Variants in SNX29 observed in about 807,000 individuals in gnomAD.
The protein encoded by SNX29 is sorting nexin 29.
Under a neutral mutation model 102.1 loss-of-function variants are expected in SNX29, and 78 were observed. The ratio of observed to expected loss-of-function variants is 0.76; its 90% CI spans 0.64 to 0.92. The LOEUF (loss-of-function observed/expected upper bound fraction) is 0.92. Among genes scored for constraint, SNX29 ranks in the 40% least tolerant of loss-of-function variants. The pLI, the probability that SNX29 is intolerant of heterozygous loss-of-function variation, is 0.00. For missense variants in SNX29, 1,280 were observed against 1,061.7 expected (o/e 1.21, Z -2.86); for synonymous variants, 580 against 414.5 (o/e 1.40, Z -4.85).
chr16:12,392,394 G>A (rs2151473099), intron 16 of SNX29, among the ~76,000 whole-genome samples: 1 of 152,152 alleles, frequency 6.6e-6, no homozygotes, highest in East Asian at 1.9e-4. Context: ...TAGTGAAGTA[G>A]TAAGTTCGAT....
At chr16:12,311,439 C>A (rs1198612590) in intron 15 of SNX29, among the ~76,000 whole-genome samples, 1 of 152,258 alleles carries the variant, frequency 6.6e-6, no homozygotes, top group African/African-American at 2.4e-5. Flanking sequence ...CCTCCTCCGT[C>A]CTCCTTTCCT....
intron 16 of SNX29, among the ~76,000 whole-genome samples, chr16:12,380,790 C>CATCT: frequency 1.4e-5 from 1 of 69,986 alleles, no homozygotes; most frequent in Non-Finnish European, 3.6e-5. Context: ...TCCACCCATC[C>CATCT]ACCCACACAC....
At chr16:12,275,139 T>G (rs111470143) in intron 14 of SNX29, among the ~76,000 whole-genome samples, 4,663 of 152,298 alleles carry the variant, frequency 0.031, 104 homozygotes, top group Admixed American at 0.062. Flanking sequence ...TCCGTGAACT[T>G]TGACTTTGGG....
Position 12,471,735 on chromosome 16 carries a change from C to A in SNX29, c.2038-5984C>A, listed in dbSNP as rs2087350506. On this transcript the variant is annotated intron_variant, in intron 18 of 20. Transcript: ENST00000566228. ...TTAAATTCAGGATTAACATAAAATA[C>A]AATCAGGTGTATCAATCTTAAGTTT... is the stretch of plus-strand genomic sequence containing the variant. Among the ~76,000 whole-genome samples, 5 of 152,336 alleles carry A rather than the reference C, an allele frequency of 3.3e-5. No homozygotes were observed. The South Asian group carries it at 1.0e-3, about 32-fold the overall frequency.
chr16:12,139,014 C>A (rs1334376954), intron 13 of SNX29, among the ~76,000 whole-genome samples: 1 of 151,866 alleles, frequency 6.6e-6, no homozygotes, highest in African/African-American at 2.4e-5. Flanking sequence ...CCAGCCTGGA[C>A]AACCTGGTGA....
At chr16:12,291,793 T>G (rs2079805207) in intron 15 of SNX29, among the ~76,000 whole-genome samples, 1 of 152,124 alleles carries the variant, frequency 6.6e-6, no homozygotes, top group Non-Finnish European at 1.5e-5. Context: ...AGATGAAAAC[T>G]GGGACTGTTG....
intron 17 of SNX29, among the ~76,000 whole-genome samples, chr16:12,399,663 G>A (rs1040755288): frequency 3.9e-5 from 6 of 152,146 alleles, no homozygotes; most frequent in Admixed American, 6.5e-5. Flanking sequence ...TTGTGGTGGC[G>A]ATGAGTGAGA....
intron 18 of SNX29, among the ~76,000 whole-genome samples, chr16:12,424,782 C>T (rs1240214395): frequency 6.6e-6 from 1 of 152,130 alleles, no homozygotes; most frequent in East Asian, 1.9e-4. Flanking sequence ...ACCTTCCTTC[C>T]CTCAGTTATT....
At chr16:12,078,526 C>G (rs1326578956) in intron 10 of SNX29, among the ~76,000 whole-genome samples, 2 of 152,086 alleles carry the variant, frequency 1.3e-5, no homozygotes, top group African/African-American at 4.8e-5. Context: ...ATCTGAGGTC[C>G]CAGCTGTTCG....
intron 13 of SNX29, among the ~76,000 whole-genome samples, chr16:12,186,032 G>A (rs1252481617): frequency 6.6e-6 from 1 of 152,126 alleles, no homozygotes; most frequent in East Asian, 1.9e-4. Context: ...AATAGTAGGT[G>A]GGTCTTGTTA....
intron 13 of SNX29, among the ~76,000 whole-genome samples, chr16:12,164,040 T>C (rs144240852): frequency 1.3e-5 from 2 of 152,292 alleles, no homozygotes; most frequent in East Asian, 1.9e-4. Flanking sequence ...GAATATCTTT[T>C]GGTTGGGAGG....
chr16:12,220,891 TAGC>T (rs1044406905), intron 14 of SNX29, among the ~76,000 whole-genome samples: 5 of 152,176 alleles, frequency 3.3e-5, no homozygotes, highest in African/African-American at 1.2e-4. Flanking sequence ...GGGATAAGAA[TAGC>T]AGCTGAGTAG....
intron 20 of SNX29, among the ~76,000 whole-genome samples, chr16:12,526,068 A>G (rs960394771): frequency 6.6e-6 from 1 of 152,212 alleles, no homozygotes; most frequent in Non-Finnish European, 1.5e-5. Context: ...TCTTACCGTG[A>G]TAGAAACACA....
Position 12,169,231 on chromosome 16 carries a change from A to C in SNX29, c.1596-30370A>C, listed in dbSNP as rs897340081. On this transcript the variant is annotated intron_variant, in intron 13 of 20. Coordinates refer to ENST00000566228, the MANE Select transcript of SNX29 (RefSeq NM_032167.5). ...CTTTTAAGAAGGAGAAGCCTGACAA[A>C]GCTTCAGGGAGGCTGTCCGGGAGCC... Among the ~76,000 whole-genome samples, 9 of 152,196 alleles carry C rather than the reference A, an allele frequency of 5.9e-5. No homozygotes were observed. In the East Asian group the frequency reaches 1.7e-3, roughly 29 times the overall value.
In SNX29 at chr16:12,483,114, G is replaced by GTTTTTTTTTTTTTTTTTTTTTT. The variant is rs574090459; in HGVS notation, c.2178+5263_2178+5284dup. ...AATAGATACATATTGAAGTTATTAA[G>GTTTTTTTTTTTTTTTTTTTTTT]TTTTTTTTTTTTTTTTTTTTTTTTT... On this transcript the variant is annotated intron_variant, in intron 19 of 20. Coordinates refer to ENST00000566228, the MANE Select transcript of SNX29 (RefSeq NM_032167.5). 6.5e-4 allele frequency among the ~76,000 whole-genome samples: 43 copies of GTTTTTTTTTTTTTTTTTTTTTT among 66,210 alleles called. 6 individuals are homozygous for GTTTTTTTTTTTTTTTTTTTTTT. Among genetic ancestry groups the GTTTTTTTTTTTTTTTTTTTTTT allele is most frequent in the Middle Eastern group, 0.012 (1 of 82 alleles). 43.4% of individuals were successfully genotyped at this position (66,210 alleles called of 152,430 possible).
chr16:12,473,658 G>C (rs2087461654), intron 18 of SNX29, among the ~76,000 whole-genome samples: 1 of 152,222 alleles, frequency 6.6e-6, no homozygotes, highest in Non-Finnish European at 1.5e-5. Context: ...GAGATGCGAA[G>C]TTGGCACAAA....
chr16:12,411,058 A>G (rs1444024086), intron 18 of SNX29, among the ~76,000 whole-genome samples: 2 of 152,348 alleles, frequency 1.3e-5, no homozygotes, highest in Non-Finnish European at 1.5e-5. Flanking sequence ...TGGACCGAGT[A>G]CAGAAATGGG....
intron 9 of SNX29, among the ~76,000 whole-genome samples, chr16:12,067,454 T>TA (rs2051088622): frequency 6.6e-6 from 1 of 152,180 alleles, no homozygotes; most frequent in African/African-American, 2.4e-5. Flanking sequence ...GATGCACGGC[T>TA]GGTTCCATAG....
intron 20 of SNX29, among the ~76,000 whole-genome samples, chr16:12,562,045 C>A (rs117051772): frequency 6.6e-6 from 1 of 151,252 alleles, no homozygotes; most frequent in East Asian, 1.9e-4. Context: ...GGGATGGAAT[C>A]ATCTGTGCCG....
Sources: allele counts gnomAD v4.1 joint callset (sites outside exome capture counted in the v4.1 genomes callset), GRCh38; gene constraint gnomAD v4.1.1; transcripts MANE v1.5; gene names NCBI Gene and HGNC (gene_info 2026-07-23, HGNC 2026-07-21).